The following PPP3R1 variants were observed in gnomAD, a reference collection of about 807,000 sequenced individuals.
PPP3R1 encodes calcineurin subunit B type 1.
PPP3R1 carries 5 observed loss-of-function variants against 22.6 expected under a neutral mutation model. The ratio of observed to expected loss-of-function variants is 0.22; its 90% CI spans 0.12 to 0.46. The LOEUF (loss-of-function observed/expected upper bound fraction) is 0.46, where lower values mean the gene tolerates loss of function less well. Among genes scored for constraint, PPP3R1 ranks in the 20% least tolerant of loss-of-function variants. The pLI, the probability that PPP3R1 is intolerant of heterozygous loss-of-function variation, is 0.99. For missense variants in PPP3R1, 61 were observed against 203.2 expected (o/e 0.30, Z 4.25); for synonymous variants, 56 against 65.2 (o/e 0.86, Z 0.68).
At chr2:68,186,752 T>G in intron 4 of PPP3R1, 100 bp from the exon 5 acceptor site, 1 of 1,103,098 alleles carries the variant, frequency 9.1e-7, no homozygotes, top group Non-Finnish European at 1.3e-6. Context: ...ATCAAAATTA[T>G]GACTATGAGG....
chr2:68,230,011 C>CACACACACACACACACACACAT (rs1421392496), intron 1 of PPP3R1, among the ~76,000 whole-genome samples: 14 of 139,564 alleles, frequency 1.0e-4, no homozygotes, highest in African/African-American at 2.7e-4. Context: ...CACACACACA[C>CACACACACACACACACACACAT]ATATATATTT....
intron 1 of PPP3R1, among the ~76,000 whole-genome samples, chr2:68,230,003 CACACACACAT>C (rs1230239855): frequency 1.9e-4 from 24 of 123,386 alleles, no homozygotes; most frequent in South Asian, 5.8e-4. Context: ...CACACACACA[CACACACACAT>C]ATATATTTGG....
At chr2:68,229,934 GTATGTGTGTATATA>G (rs1669855449) in intron 1 of PPP3R1, among the ~76,000 whole-genome samples, 1 of 148,324 alleles carries the variant, frequency 6.7e-6, no homozygotes, top group African/African-American at 2.5e-5. Context: ...ATATGTGTGT[GTATGTGTGTATATA>G]TGTGTGTGTG....
chr2:68,186,461 T>C lies in PPP3R1; in HGVS notation c.465+7A>G, dbSNP rs774943983. ...ACTAACGGAAGAACCAGCTCTTTTG[T>C]ACTTACAGCACAGAATTCTTCAAAG... On this transcript the variant is annotated splice_region_variant and intron_variant, in intron 5 of 5. Transcript: ENST00000234310. The C allele has an allele frequency of 6.2e-7, 1 of 1,602,802 alleles. No individual in the cohort carries two copies. Among genetic ancestry groups the C allele is most frequent in the Non-Finnish European group, 8.5e-7 (1 of 1,172,744 alleles).
At chr2:68,182,074 CCCCCCT>C (rs1674420389) in intron 5 of PPP3R1, among the ~76,000 whole-genome samples, 3 of 54,148 alleles carry the variant, frequency 5.5e-5, no homozygotes, top group South Asian at 2.1e-3. Flanking sequence ...TCCTCCAACC[CCCCCCT>C]CCCCCCACCA....
intron 2 of PPP3R1, among the ~76,000 whole-genome samples, chr2:68,204,023 A>G (rs1263938973): frequency 6.6e-6 from 1 of 152,150 alleles, no homozygotes; most frequent in Admixed American, 6.5e-5. Flanking sequence ...TATCTAAACC[A>G]CTCAGAATTA....
chr2:68,227,271 A>C (rs1373197), intron 1 of PPP3R1, among the ~76,000 whole-genome samples: 2 of 151,718 alleles, frequency 1.3e-5, no homozygotes, highest in Non-Finnish European at 2.9e-5. Context: ...AATATTTTTT[A>C]AAAATGTTGA....
At chr2:68,239,776 T>G (rs147730576) in intron 1 of PPP3R1, among the ~76,000 whole-genome samples, 8 of 152,348 alleles carry the variant, frequency 5.3e-5, no homozygotes, top group Non-Finnish European at 1.2e-4. Flanking sequence ...TAAAAGTTGT[T>G]AAATTAGCCT....
chr2:68,217,139 G>C lies in PPP3R1; in HGVS notation c.4-8C>G, dbSNP rs1235895293. 1 of 1,576,154 alleles carries C rather than the reference G, an allele frequency of 6.3e-7. No individual in the cohort carries two copies. Among genetic ancestry groups the C allele is most frequent in the African/African-American group, 1.4e-5 (1 of 74,062 alleles). On this transcript the variant is annotated splice_polypyrimidine_tract_variant and splice_region_variant and intron_variant, in intron 1 of 5. Transcript: ENST00000234310. Reference sequence around the variant, plus strand: ...ATAACTTGCCTCATTTCCCTGGGGGGAAAGAAAGAAATAATTAGTCATAAA... The same window carrying C: ...ATAACTTGCCTCATTTCCCTGGGGGCAAAGAAAGAAATAATTAGTCATAAA...
intron 2 of PPP3R1, among the ~76,000 whole-genome samples, chr2:68,209,664 AG>A (rs975951459): frequency 3.3e-5 from 5 of 152,062 alleles, no homozygotes; most frequent in African/African-American, 1.2e-4. Context: ...AGGCTGAGGT[AG>A]GAGAATCGCT....
At chr2:68,198,292 CACATGTAT>C (rs750742046) in intron 2 of PPP3R1, among the ~76,000 whole-genome samples, 1,852 of 137,692 alleles carry the variant, frequency 0.013, 49 homozygotes, top group African/African-American at 0.051. Flanking sequence ...TATGTGTATA[CACATGTAT>C]ACATGTATAC....
intron 2 of PPP3R1, among the ~76,000 whole-genome samples, chr2:68,202,211 C>CA (rs1213300480): frequency 6.6e-6 from 1 of 152,112 alleles, no homozygotes; most frequent in Non-Finnish European, 1.5e-5. Context: ...TTTTGTTACG[C>CA]AGATAGCTAG....
chr2:68,223,494 A>C (rs1268706873), intron 1 of PPP3R1, among the ~76,000 whole-genome samples: 5 of 152,240 alleles, frequency 3.3e-5, no homozygotes, highest in African/African-American at 1.2e-4. Flanking sequence ...GAATCCAAAA[A>C]TAAACACCAT....
At chr2:68,239,154 AAT>A (rs1670072299) in intron 1 of PPP3R1, among the ~76,000 whole-genome samples, 1 of 152,232 alleles carries the variant, frequency 6.6e-6, no homozygotes. Flanking sequence ...ATAAATAGCC[AAT>A]ATGAGTCAAG....
intron 2 of PPP3R1, among the ~76,000 whole-genome samples, chr2:68,193,699 A>G (rs1674712380): frequency 6.6e-6 from 1 of 152,162 alleles, no homozygotes; most frequent in African/African-American, 2.4e-5. Flanking sequence ...ACAGTAGGAT[A>G]TTAGAGTATG....
chr2:68,227,012 G>A (rs1669796155), intron 1 of PPP3R1, among the ~76,000 whole-genome samples: 1 of 151,794 alleles, frequency 6.6e-6, no homozygotes, highest in Non-Finnish European at 1.5e-5. Context: ...ACCAAATAAG[G>A]AAATGTTGTC....
At chr2:68,245,711 A>C (rs1670221882) in intron 1 of PPP3R1, among the ~76,000 whole-genome samples, 1 of 152,134 alleles carries the variant, frequency 6.6e-6, no homozygotes. Flanking sequence ...TGTGGAACTC[A>C]CCTCATCTAG....
intron 1 of PPP3R1, among the ~76,000 whole-genome samples, chr2:68,249,900 TAA>T (rs917349830): frequency 6.6e-6 from 1 of 152,170 alleles, no homozygotes; most frequent in African/African-American, 2.4e-5. Context: ...ATAAGAGTTC[TAA>T]GAGAGATTTT....
Position 68,179,869 on chromosome 2 carries a change from A to G in PPP3R1, c.*1094T>C, listed in dbSNP as rs1312734807. 6.6e-6 allele frequency: 1 copy of G among 152,222 alleles called. No homozygotes were observed. The highest frequency in any genetic ancestry group is 1.5e-5 in the Non-Finnish European group (1 of 68,038). The allele number at this position is 152,222 out of a possible 1,614,324, so 9.4% of individuals were successfully genotyped here. On this transcript the variant is annotated 3_prime_UTR_variant, in exon 6 of 6. Transcript: ENST00000234310. ...GATTTCTCACACTTAAACCACAAAT[A>G]TATGTGGGTGTTTAGATACATACAT...
Sources: allele counts gnomAD v4.1 joint callset (sites outside exome capture counted in the v4.1 genomes callset), GRCh38; gene constraint gnomAD v4.1.1; transcripts MANE v1.5; gene names NCBI Gene and HGNC (gene_info 2026-07-23, HGNC 2026-07-21).